Variants in AHDC1 observed in about 807,000 individuals in gnomAD.
AHDC1 encodes the protein transcription factor Gibbin.
In AHDC1, 7 loss-of-function variants were observed where a neutral mutation model predicts 87.9. The ratio of observed to expected loss-of-function variants is 0.08; its 90% CI spans 0.05 to 0.15. The LOEUF (loss-of-function observed/expected upper bound fraction) is 0.15, where lower values mean the gene tolerates loss of function less well. Among genes scored for constraint, AHDC1 ranks in the 10% least tolerant of loss-of-function variants. The pLI is 1.00. For missense variants in AHDC1, 1,841 were observed against 2,253.2 expected, an observed-to-expected ratio of 0.82 and a Z score of 3.70; for synonymous variants, 1,051 against 1,006.8, an observed-to-expected ratio of 1.04 and a Z score of -0.83.
intron 3 of AHDC1, among the ~76,000 whole-genome samples, chr1:27,568,594 G>A (rs1290339062): frequency 2.0e-5 from 3 of 152,106 alleles, no homozygotes; most frequent in Non-Finnish European, 4.4e-5. Context: ...GCGAGGGGGC[G>A]GGCCGCGCGG....
intron 8 of AHDC1, among the ~76,000 whole-genome samples, chr1:27,544,159 T>C (rs751052130): frequency 4.9e-4 from 74 of 151,934 alleles, no homozygotes; most frequent in Non-Finnish European, 9.0e-4. Flanking sequence ...TAATGTGGGA[T>C]AGGGCGGGAG....
chr1:27,558,906 A>G lies in AHDC1; in HGVS notation c.-628-23T>C, dbSNP rs2019943606. ...CATCTGTGGAAGCAAACACAGCACC[A>G]CAGAGATAAGCATGGACACAGGGTA... On this transcript the variant is annotated intron_variant, in intron 3 of 8. Transcript: ENST00000673934. The surrounding 1 kb of genome is among the most constrained non-coding windows in gnomAD (Gnocchi z 5.6). The G allele has an allele frequency of 2.5e-6, 1 of 398,578 alleles. No individual in the cohort carries two copies. The highest frequency in any genetic ancestry group is 2.1e-5 in the African/African-American group (1 of 48,622). The allele number at this position is 398,578 out of a possible 1,614,324, so 24.7% of individuals were successfully genotyped here. A position where few individuals can be genotyped will look rare whatever the true frequency, so the allele number is the denominator to read the frequency against.
chr1:27,546,730 C>T (rs893843539), intron 8 of AHDC1, among the ~76,000 whole-genome samples: 3 of 152,156 alleles, frequency 2.0e-5, no homozygotes, highest in African/African-American at 7.2e-5. Flanking sequence ...CCACACTGGC[C>T]ACTCTTGGCC....
intron 3 of AHDC1, among the ~76,000 whole-genome samples, chr1:27,602,994 C>T (rs981877898): frequency 4.2e-5 from 6 of 142,236 alleles, no homozygotes; most frequent in African/African-American, 7.7e-5. Flanking sequence ...ATTCCCCCCC[C>T]CCCCACATTC....
At chr1:27,578,964 G>A (rs897174527) in intron 3 of AHDC1, among the ~76,000 whole-genome samples, 7 of 151,770 alleles carry the variant, frequency 4.6e-5, no homozygotes, top group African/African-American at 1.5e-4. Context: ...CCAAAGTGCT[G>A]GGATTACAGG....
chr1:27,567,794 C>A (rs1002175069), intron 3 of AHDC1, among the ~76,000 whole-genome samples: 9 of 152,246 alleles, frequency 5.9e-5, no homozygotes, highest in Non-Finnish European at 1.0e-4. Flanking sequence ...CCCCCAACAT[C>A]TCTCCCTCTT....
In AHDC1 at chr1:27,594,738, G is replaced by C. The variant is rs187485317; in HGVS notation, c.-629+8659C>G. Among the ~76,000 whole-genome samples, 38 of 152,324 alleles carry C rather than the reference G, an allele frequency of 2.5e-4. No individual in the cohort carries two copies. The East Asian group carries it at 5.4e-3, about 22-fold the overall frequency. ...GTGAGCAATGTGTGTGACAGGCTGA[G>C]GCTGTCTAGGGGAACAAGGTGGGGG... is the stretch of plus-strand genomic sequence containing the variant. On this transcript the variant is annotated intron_variant, in intron 3 of 8. Coordinates refer to ENST00000673934, the MANE Select transcript of AHDC1 (RefSeq NM_001371928.1).
At position 27,592,574 on chromosome 1, in the gene AHDC1, T is replaced by TC. The variant is rs1214895030; in HGVS notation, c.-629+10822dup. On this transcript the variant is annotated intron_variant, in intron 3 of 8. Transcript: ENST00000673934. The stretch of plus-strand genomic sequence containing the variant: ...CCACTTTCCCAAACATCCCCCGCCC[T>TC]CCCCCCCCCAGGCCCTGCTCTTAGC... Among the ~76,000 whole-genome samples, 433 of 65,174 alleles carry TC rather than the reference T, an allele frequency of 6.6e-3. 1 individual carries two copies. Among genetic ancestry groups the TC allele is most frequent in the African/African-American group, 0.017 (300 of 17,476 alleles). 42.8% of individuals were successfully genotyped at this position (65,174 alleles called of 152,430 possible). A position where few individuals can be genotyped will look rare whatever the true frequency, so the allele number is the denominator to read the frequency against.
At chr1:27,557,016 C>T (rs778920691) in intron 5 of AHDC1, among the ~76,000 whole-genome samples, 1 of 139,148 alleles carries the variant, frequency 7.2e-6, no homozygotes, top group African/African-American at 2.7e-5. Context: ...GCAGTGCACA[C>T]CCCACCCCAC....
At chr1:27,557,844 C>G (rs1225985137) in intron 5 of AHDC1, among the ~76,000 whole-genome samples, 5 of 152,330 alleles carry the variant, frequency 3.3e-5, no homozygotes, top group Middle Eastern at 6.8e-3. Context: ...CGCTCCCCAG[C>G]CCAGTCCACT....
At position 27,593,806 on chromosome 1, in the gene AHDC1, T is replaced by C. The variant is rs950363959; in HGVS notation, c.-629+9591A>G. ...GCACAAGAGGCAGGCAGGAGATCGA[T>C]TCACTGAATTTTTTAAGGCCCTAAT... On this transcript the variant is annotated intron_variant, in intron 3 of 8. Transcript: ENST00000673934. The surrounding 1 kb of genome is among the most constrained non-coding windows in gnomAD (Gnocchi z 4.9). 6.6e-6 allele frequency among the ~76,000 whole-genome samples: 1 copy of C among 152,146 alleles called. No homozygotes were observed. Among genetic ancestry groups the C allele is most frequent in the Non-Finnish European group, 1.5e-5 (1 of 68,018 alleles).
At chr1:27,575,850 C>T (rs1191409353) in intron 3 of AHDC1, among the ~76,000 whole-genome samples, 1 of 150,802 alleles carries the variant, frequency 6.6e-6, no homozygotes, top group African/African-American at 2.4e-5. Flanking sequence ...TTTTTCCTGG[C>T]CCCCGGCCCG....
rs1297089073 is a variant in AHDC1, at chr1:27,561,269, A to G, written c.-628-2386T>C. 6.6e-6 allele frequency among the ~76,000 whole-genome samples: 1 copy of G among 152,172 alleles called. No homozygotes were observed. The highest frequency in any genetic ancestry group is 1.5e-5 in the Non-Finnish European group (1 of 68,040). On this transcript the variant is annotated intron_variant, in intron 3 of 8. Coordinates refer to ENST00000673934, the MANE Select transcript of AHDC1 (RefSeq NM_001371928.1). The surrounding 1 kb of genome is among the most constrained non-coding windows in gnomAD (Gnocchi z 4.2). ...CATTCAGGCCCCCACAGCTCGGCTCATCTTGGCCCTGTTCTCCTACATATG... is the reference window on the plus strand; with the variant it reads ...CATTCAGGCCCCCACAGCTCGGCTCGTCTTGGCCCTGTTCTCCTACATATG...
rs752859517 is a variant in AHDC1, at chr1:27,593,018, C to G, written c.-629+10379G>C. The stretch of plus-strand genomic sequence containing the variant: ...CAAGGTGACCAGGGGCAGAGTTGGC[C>G]CCACCTCCGAGCTGCATTATTTATA... On this transcript the variant is annotated intron_variant, in intron 3 of 8. Coordinates refer to ENST00000673934, the MANE Select transcript of AHDC1 (RefSeq NM_001371928.1). The surrounding 1 kb of genome is among the most constrained non-coding windows in gnomAD (Gnocchi z 4.9). 5.9e-5 allele frequency among the ~76,000 whole-genome samples: 9 copies of G among 152,078 alleles called. No homozygotes were observed. The highest frequency in any genetic ancestry group is 1.2e-4 in the Non-Finnish European group (8 of 67,990).
chr1:27,599,193 A>AG (rs2089462841), intron 3 of AHDC1, among the ~76,000 whole-genome samples: 1 of 152,158 alleles, frequency 6.6e-6, no homozygotes, highest in Non-Finnish European at 1.5e-5. Context: ...GGCCAGGGCC[A>AG]GGGCCAGGGC....
intron 3 of AHDC1, among the ~76,000 whole-genome samples, chr1:27,571,356 C>CT (rs2088497437): frequency 6.6e-6 from 1 of 152,184 alleles, no homozygotes; most frequent in Non-Finnish European, 1.5e-5. Context: ...CCTGGGGAGT[C>CT]TGATGGGGGA....
intron 3 of AHDC1, among the ~76,000 whole-genome samples, chr1:27,602,706 G>C (rs768301334): frequency 1.3e-5 from 2 of 152,178 alleles, no homozygotes; most frequent in Non-Finnish European, 2.9e-5. Flanking sequence ...CGCATTGATA[G>C]GCGATTATTT....
rs551453765 is a variant in AHDC1, at chr1:27,534,435, C to G, written c.*525G>C. The G allele has an allele frequency of 4.0e-5, 6 of 151,866 alleles. No individual in the cohort carries two copies. Among genetic ancestry groups the G allele is most frequent in the Non-Finnish European group, 7.4e-5 (5 of 67,974 alleles). The allele number at this position is 151,866 out of a possible 1,614,324, so 9.4% of individuals were successfully genotyped here. On this transcript the variant is annotated 3_prime_UTR_variant, in exon 9 of 9. Coordinates refer to ENST00000673934, the MANE Select transcript of AHDC1 (RefSeq NM_001371928.1). ...CCGCAAGAGGTTCTTCTCCCTCCCCCCCACCATGCGAATTTGCACACCACG... is the reference window on the plus strand; with the variant it reads ...CCGCAAGAGGTTCTTCTCCCTCCCCGCCACCATGCGAATTTGCACACCACG...
chr1:27,543,555 T>G (rs546639022), intron 8 of AHDC1, among the ~76,000 whole-genome samples: 2 of 152,226 alleles, frequency 1.3e-5, no homozygotes, highest in Non-Finnish European at 2.9e-5. Flanking sequence ...CCGGTCTCCA[T>G]GTGTGCAAAC....
Sources: allele counts gnomAD v4.1 joint callset (sites outside exome capture counted in the v4.1 genomes callset), GRCh38; gene constraint gnomAD v4.1.1; non-coding constraint Gnocchi (gnomAD v3.1); transcripts MANE v1.5; gene names NCBI Gene and HGNC (gene_info 2026-07-23, HGNC 2026-07-21).